TULP3: variants seen among roughly 807,000 people sequenced by gnomAD.
TULP3 encodes tubby-related protein 3.
TULP3 carries 38 observed loss-of-function variants against 50.7 expected under a neutral mutation model. The observed-to-expected ratio is 0.75, with a 90% CI of 0.58 to 0.98. The LOEUF (loss-of-function observed/expected upper bound fraction) is 0.98. Ranked by LOEUF, TULP3 falls within the 50% of genes least tolerant of loss-of-function variation. The pLI is 0.00. For synonymous variants in TULP3, 183 were observed against 196.6 expected (o/e 0.93, Z 0.58); for missense variants, 550 against 568.0 (o/e 0.97, Z 0.32).
chr12:2,911,664 C>CTTTTTTTTTTTTTTTT lies in TULP3; in HGVS notation c.93+2112_93+2127dup, dbSNP rs56027951. Among the ~76,000 whole-genome samples, 7 of 38,172 alleles carry CTTTTTTTTTTTTTTTT rather than the reference C, an allele frequency of 1.8e-4. 2 individuals carry two copies. Among genetic ancestry groups the CTTTTTTTTTTTTTTTT allele is most frequent in the Non-Finnish European group, 3.6e-4 (7 of 19,592 alleles). The allele number at this position is 38,172 out of a possible 152,430, so 25.0% of individuals were successfully genotyped here. On this transcript the variant is annotated intron_variant, in intron 2 of 10. Transcript: ENST00000448120. ...ACAGGCGTGAGCCACTGCGCCCAGC[C>CTTTTTTTTTTTTTTTT]TTTTTTTTTTTTTTTTTTTTTTTTT...
At chr12:2,897,047 C>T (rs951271027) in intron 1 of TULP3, among the ~76,000 whole-genome samples, 8 of 152,122 alleles carry the variant, frequency 5.3e-5, no homozygotes, top group Admixed American at 1.3e-4. Flanking sequence ...CTCGCTCTGT[C>T]GCCTAGGCTG....
intron 6 of TULP3, 73 bp downstream of exon 6, chr12:2,931,313 T>G: frequency 6.9e-7 from 1 of 1,453,602 alleles, no homozygotes; most frequent in Non-Finnish European, 9.4e-7. Context: ...TTGATGGGCC[T>G]TAGGGAACTA....
rs149936314 is a variant in TULP3, at chr12:2,926,718, T to G, written c.395-3530T>G. Among the ~76,000 whole-genome samples, 201 of 151,948 alleles carry G rather than the reference T, an allele frequency of 1.3e-3. 1 individual carries two copies. Among genetic ancestry groups the G allele is most frequent in the African/African-American group, 4.8e-3 (200 of 41,422 alleles). ...GAGTTCGAGACCAGCCTGGCCAACG[T>G]GGTGAAACTCCGTTTCCACTAAAAA... On this transcript the variant is annotated intron_variant, in intron 4 of 10. Transcript: ENST00000448120.
intron 2 of TULP3, among the ~76,000 whole-genome samples, chr12:2,920,248 G>T (rs137941799): frequency 6.6e-6 from 1 of 152,148 alleles, no homozygotes; most frequent in Non-Finnish European, 1.5e-5. Flanking sequence ...AGTGGCTCAC[G>T]CCTGTAATCC....
chr12:2,917,745 C>G (rs988361258), intron 2 of TULP3, among the ~76,000 whole-genome samples: 1 of 149,692 alleles, frequency 6.7e-6, no homozygotes, highest in Non-Finnish European at 1.5e-5. Context: ...GGCGCGGTGC[C>G]GGACGCCTGT....
At chr12:2,909,505 C>CTT in intron 1 of TULP3, 24 bp from the exon 2 acceptor site, 1 of 1,513,358 alleles carries the variant, frequency 6.6e-7, no homozygotes, top group East Asian at 2.4e-5. Context: ...TATATACTTG[C>CTT]TTTATTTTTT....
At chr12:2,912,599 A>C (rs551491703) in intron 2 of TULP3, among the ~76,000 whole-genome samples, 1 of 152,228 alleles carries the variant, frequency 6.6e-6, no homozygotes, top group Non-Finnish European at 1.5e-5. Flanking sequence ...AGAAACAGCT[A>C]AAAGCAACCA....
At chr12:2,916,240 G>A (rs1301575805) in intron 2 of TULP3, among the ~76,000 whole-genome samples, 1 of 151,978 alleles carries the variant, frequency 6.6e-6, no homozygotes, top group African/African-American at 2.4e-5. Context: ...GACCTCAAGA[G>A]ATCGGCCCAC....
intron 9 of TULP3, 60 bp downstream of exon 9, chr12:2,937,789 G>C: frequency 8.9e-7 from 1 of 1,124,234 alleles, no homozygotes; most frequent in Non-Finnish European, 1.3e-6. Flanking sequence ...ACAATACACA[G>C]AGATTAATAC....
intron 4 of TULP3, among the ~76,000 whole-genome samples, chr12:2,926,651 C>T (rs1328788901): frequency 6.6e-6 from 1 of 152,112 alleles, no homozygotes; most frequent in Non-Finnish European, 1.5e-5. Context: ...CCGGTAATTC[C>T]AGCACTTTGG....
chr12:2,910,241 C>T (rs879395104), intron 2 of TULP3, among the ~76,000 whole-genome samples: 4 of 151,666 alleles, frequency 2.6e-5, no homozygotes, highest in South Asian at 2.1e-4. Context: ...TGCAGTGAGG[C>T]GGAGCTTGCA....
intron 1 of TULP3, among the ~76,000 whole-genome samples, chr12:2,900,252 A>G (rs1277413799): frequency 6.6e-6 from 1 of 152,110 alleles, no homozygotes; most frequent in East Asian, 1.9e-4. Flanking sequence ...TTGGATTCTA[A>G]AGATACGTTG....
At chr12:2,933,087 C>T (rs1040949568) in intron 6 of TULP3, among the ~76,000 whole-genome samples, 2 of 152,054 alleles carry the variant, frequency 1.3e-5, no homozygotes, top group African/African-American at 4.8e-5. Flanking sequence ...GGACTGCAGG[C>T]GTCTGCAACC....
chr12:2,896,943 A>C (rs2098175871), intron 1 of TULP3, among the ~76,000 whole-genome samples: 1 of 152,224 alleles, frequency 6.6e-6, no homozygotes, highest in Non-Finnish European at 1.5e-5. Context: ...ACTAAGTAGA[A>C]CTGTACTTAA....
chr12:2,891,714 C>T (rs3819887), intron 1 of TULP3, among the ~76,000 whole-genome samples: 69,797 of 151,798 alleles, frequency 0.46, 17,081 homozygotes, highest in African/African-American at 0.63. Flanking sequence ...AGGATTTAAG[C>T]CCTACACGCC....
rs1338292181 is a variant in TULP3 at position 2,940,034 on chromosome 12, C to T, written c.*590C>T. 1 of 1,288,798 alleles carries T rather than the reference C, an allele frequency of 7.8e-7. No homozygotes were observed. Among genetic ancestry groups the T allele is most frequent in the Non-Finnish European group, 1.0e-6 (1 of 988,390 alleles). The allele number at this position is 1,288,798 out of a possible 1,614,324, so 79.8% of individuals were successfully genotyped here. A position where few individuals can be genotyped will look rare whatever the true frequency, so the allele number is the denominator to read the frequency against. On this transcript the variant is annotated 3_prime_UTR_variant, in exon 11 of 11. Transcript: ENST00000448120. ...CATTCCCTCACAGCAGATTGGCCGG[C>T]ACCAATCTTAGTCAAGAGTGGCTGT...
At chr12:2,919,147 C>A (rs1410746639) in intron 2 of TULP3, among the ~76,000 whole-genome samples, 2 of 152,170 alleles carry the variant, frequency 1.3e-5, no homozygotes, top group African/African-American at 4.8e-5. Context: ...CTGACTCTGC[C>A]TCCCAAAGTG....
rs149552821 is a variant in TULP3, at chr12:2,909,711, G to T, written c.93+131G>T. The T allele has an allele frequency of 2.4e-5, 22 of 934,326 alleles. No individual in the cohort carries two copies. The East Asian group carries it at 5.9e-4, about 25-fold the overall frequency. The allele number at this position is 934,326 out of a possible 1,614,324, so 57.9% of individuals were successfully genotyped here. ...AAGGAGAAGGCTCGGGTGGTTACCT[G>T]TGAAGCAGTGTCTGGAGTTAGTGGT... On this transcript the variant is annotated intron_variant, in intron 2 of 10. Transcript: ENST00000448120.
chr12:2,894,845 G>T (rs10774073), intron 1 of TULP3, among the ~76,000 whole-genome samples: 34,632 of 151,610 alleles, frequency 0.23, 4,059 homozygotes, highest in East Asian at 0.36. Flanking sequence ...GGTGAGCCGA[G>T]ATCACACCAC....
Sources: gnomAD v4.1 joint callset for allele counts (sites outside exome capture counted in the v4.1 genomes callset) on GRCh38, gnomAD v4.1.1 for gene constraint, MANE v1.5 for transcripts, NCBI Gene and HGNC (gene_info 2026-07-23, HGNC 2026-07-21) for gene names.